IGF2BP1: variants seen among roughly 807,000 people sequenced by gnomAD.
IGF2BP1 encodes insulin-like growth factor 2 mRNA-binding protein 1.
Under a neutral mutation model 74.9 loss-of-function variants are expected in IGF2BP1, and 11 were observed. The ratio of observed to expected loss-of-function variants is 0.15; its 90% CI spans 0.09 to 0.24. The LOEUF is 0.24. IGF2BP1 is among the 10% of genes least tolerant of loss of function. The pLI is 1.00. For synonymous variants in IGF2BP1, 287 were observed against 281.8 expected, an observed-to-expected ratio of 1.02 and a Z score of -0.18; for missense variants, 440 against 757.4, an observed-to-expected ratio of 0.58 and a Z score of 4.92.
chr17:49,048,283 C>T (rs577529144), intron 14 of IGF2BP1, among the ~76,000 whole-genome samples: 3 of 148,342 alleles, frequency 2.0e-5, no homozygotes, highest in East Asian at 3.9e-4. Flanking sequence ...GATGGAGTCT[C>T]GCTGTGTTGT....
In IGF2BP1 at chr17:49,049,636, A is replaced by G. The variant is rs561062088; in HGVS notation, c.*192A>G. On this transcript the variant is annotated 3_prime_UTR_variant, in exon 15 of 15. Coordinates refer to ENST00000290341, the MANE Select transcript of IGF2BP1 (RefSeq NM_006546.4). The stretch of plus-strand genomic sequence containing the variant: ...TCTCTCAGCCCCAAACACCCACCCA[A>G]TTGGCCCAACACTGTCTGCCCCTCG... The G allele has an allele frequency of 8.7e-5, 49 of 564,394 alleles. No homozygotes were observed. Among genetic ancestry groups the G allele is most frequent in the African/African-American group, 8.5e-4 (45 of 52,946 alleles). 35.0% of individuals were successfully genotyped at this position (564,394 alleles called of 1,614,324 possible).
chr17:49,021,632 G>A (rs1195714925), intron 2 of IGF2BP1, among the ~76,000 whole-genome samples: 3 of 152,224 alleles, frequency 2.0e-5, no homozygotes, highest in Non-Finnish European at 4.4e-5. Context: ...TGCAACTGTT[G>A]CCTTTATTGC....
intron 2 of IGF2BP1, among the ~76,000 whole-genome samples, chr17:49,011,891 T>C (rs2041623831): frequency 6.7e-6 from 1 of 148,660 alleles, no homozygotes; most frequent in African/African-American, 2.5e-5. Flanking sequence ...TCTTGAGTGG[T>C]TGAAGAAAAT....
intron 11 of IGF2BP1, 37 bp from the exon 12 acceptor site, chr17:49,044,954 T>C (rs372676245): frequency 2.2e-5 from 34 of 1,573,148 alleles, no homozygotes; most frequent in Non-Finnish European, 2.7e-5. Flanking sequence ...GGTCTTCCCA[T>C]AGAGGGTCCC....
chr17:49,025,311 AAAGTGTGTGTGT>A lies in IGF2BP1; in HGVS notation c.237-306_237-295del, dbSNP rs886909443. ...GGAATGAGAAAGTGGTGGGACAAAC[AAAGTGTGTGTGT>A]GTGTGTGTGTGTGTGTGTGTGTGTG... On this transcript the variant is annotated intron_variant, in intron 2 of 14. Transcript: ENST00000290341. Among the ~76,000 whole-genome samples, 9 of 108,818 alleles carry A rather than the reference AAAGTGTGTGTGT, an allele frequency of 8.3e-5. No homozygotes were observed. In the South Asian group the frequency reaches 1.0e-3, roughly 12 times the overall value. 71.4% of individuals were successfully genotyped at this position (108,818 alleles called of 152,430 possible). A position where few individuals can be genotyped will look rare whatever the true frequency, so the allele number is the denominator to read the frequency against.
chr17:49,045,823 T>G, intron 12 of IGF2BP1, 67 bp from the exon 13 acceptor site: 2 of 1,547,682 alleles, frequency 1.3e-6, no homozygotes, highest in Non-Finnish European at 1.8e-6. Flanking sequence ...GGAGCTTCCT[T>G]TTTCCCACTT....
chr17:48,999,812 CT>C (rs1308757456), intron 2 of IGF2BP1, among the ~76,000 whole-genome samples: 2 of 151,936 alleles, frequency 1.3e-5, no homozygotes, highest in East Asian at 3.9e-4. Context: ...TCGAGCCCCC[CT>C]ACCCCCACTC....
intron 2 of IGF2BP1, among the ~76,000 whole-genome samples, chr17:49,002,436 A>C (rs1483745042): frequency 6.6e-6 from 1 of 152,134 alleles, no homozygotes; most frequent in Non-Finnish European, 1.5e-5. Context: ...GCACTTAAGG[A>C]AAAAAGAAAA....
intron 12 of IGF2BP1, among the ~76,000 whole-genome samples, chr17:49,045,507 C>T (rs755794225): frequency 2.0e-4 from 31 of 152,258 alleles, no homozygotes; most frequent in Non-Finnish European, 4.1e-4. Context: ...GAGAGTCAGA[C>T]AGGCCTGCCC....
chr17:49,005,546 G>A (rs1163883818), intron 2 of IGF2BP1, among the ~76,000 whole-genome samples: 1 of 152,156 alleles, frequency 6.6e-6, no homozygotes, highest in East Asian at 1.9e-4. Flanking sequence ...ATATGGGATG[G>A]CTGGAAATTT....
intron 4 of IGF2BP1, among the ~76,000 whole-genome samples, chr17:49,031,013 A>G (rs2041915254): frequency 6.6e-6 from 1 of 152,214 alleles, no homozygotes; most frequent in South Asian, 2.1e-4. Flanking sequence ...CTTGCTGTAT[A>G]GCCTTGTTGT....
intron 2 of IGF2BP1, among the ~76,000 whole-genome samples, chr17:48,999,803 C>A (rs1167214721): frequency 6.6e-6 from 1 of 151,694 alleles, no homozygotes; most frequent in Non-Finnish European, 1.5e-5. Flanking sequence ...CTATCCTTTT[C>A]GAGCCCCCCT....
chr17:48,999,815 C>A (rs1372484509), intron 2 of IGF2BP1, among the ~76,000 whole-genome samples: 2 of 151,788 alleles, frequency 1.3e-5, no homozygotes, highest in East Asian at 3.9e-4. Context: ...AGCCCCCCTA[C>A]CCCCACTCCT....
chr17:49,012,430 T>G (rs2041631626), intron 2 of IGF2BP1: 1 of 152,260 alleles, frequency 6.6e-6, no homozygotes, highest in African/African-American at 2.4e-5. Context: ...TTCCTGGGAC[T>G]CTGTTTCCTT....
intron 2 of IGF2BP1, chr17:49,014,961 C>G (rs1467105925): frequency 2.1e-5 from 21 of 984,350 alleles, no homozygotes; most frequent in Non-Finnish European, 4.8e-6. Flanking sequence ...TTCAAGGTAC[C>G]TCTCATGACG....
At position 48,997,714 on chromosome 17, in the gene IGF2BP1, C is replaced by G. The variant is rs772476269; in HGVS notation, c.-32C>G. On this transcript the variant is annotated 5_prime_UTR_variant, in exon 1 of 15. Coordinates refer to ENST00000290341, the MANE Select transcript of IGF2BP1 (RefSeq NM_006546.4). The surrounding 1 kb of genome is among the most constrained non-coding windows in gnomAD (Gnocchi z 4.8). ...CCCGCGCCCGCTCGTTCGGCCTTGCCCGGGACCGCGTCCTGCCCCGAGACC... is the reference window on the plus strand; with the variant it reads ...CCCGCGCCCGCTCGTTCGGCCTTGCGCGGGACCGCGTCCTGCCCCGAGACC... The G allele has an allele frequency of 6.2e-7, 1 of 1,603,786 alleles. No individual in the cohort carries two copies. The highest frequency in any genetic ancestry group is 1.7e-5 in the Admixed American group (1 of 59,392).
At chr17:49,010,452 G>A (rs1414903337) in intron 2 of IGF2BP1, among the ~76,000 whole-genome samples, 1 of 151,406 alleles carries the variant, frequency 6.6e-6, no homozygotes, top group African/African-American at 2.4e-5. Context: ...CGAGAAGCTG[G>A]GACTACAGGC....
chr17:49,013,306 G>A (rs1309352363), intron 2 of IGF2BP1, among the ~76,000 whole-genome samples: 1 of 152,128 alleles, frequency 6.6e-6, no homozygotes, highest in African/African-American at 2.4e-5. Flanking sequence ...AAGGCCTTGG[G>A]GACTAGCCCG....
chr17:49,042,481 G>T lies in IGF2BP1; in HGVS notation c.1077+104G>T, dbSNP rs1240461696. The T allele has an allele frequency of 8.7e-6, 11 of 1,268,808 alleles. No homozygotes were observed. The Admixed American group carries it at 2.5e-4, about 29-fold the overall frequency. The allele number at this position is 1,268,808 out of a possible 1,614,324, so 78.6% of individuals were successfully genotyped here. A position where few individuals can be genotyped will look rare whatever the true frequency, so the allele number is the denominator to read the frequency against. On this transcript the variant is annotated intron_variant, in intron 9 of 14. Transcript: ENST00000290341. ...CATGTGCCCTGTGCCGTGTGGCCTT[G>T]GAGCTTTAGTTGATGCTTTTGGACT...
Sources: gnomAD v4.1 joint callset for allele counts (sites outside exome capture counted in the v4.1 genomes callset) on GRCh38, gnomAD v4.1.1 for gene constraint, Gnocchi (gnomAD v3.1) non-coding constraint, MANE v1.5 for transcripts, NCBI Gene and HGNC (gene_info 2026-07-23, HGNC 2026-07-21) for gene names.